Variants in MTARC2 observed in about 807,000 individuals in gnomAD.
The protein encoded by MTARC2 is mitochondrial amidoxime reducing component 2.
MTARC2 carries 27 observed loss-of-function variants against 35.6 expected under a neutral mutation model. The observed-to-expected ratio is 0.76, with a 90% CI of 0.56 to 1.04. The LOEUF (loss-of-function observed/expected upper bound fraction) is 1.04, where lower values mean the gene tolerates loss of function less well. Among genes scored for constraint, MTARC2 ranks in the 50% least tolerant of loss-of-function variants. The pLI is 0.00. For synonymous variants in MTARC2, 158 were observed against 167.1 expected, an observed-to-expected ratio of 0.95 and a Z score of 0.42; for missense variants, 412 against 432.5, an observed-to-expected ratio of 0.95 and a Z score of 0.42.
rs1671047175 is a variant in MTARC2 at position 220,748,666 on chromosome 1, C to G, written c.135C>G (p.Pro45=). The G allele has an allele frequency of 1.3e-6, 2 of 1,577,234 alleles. No homozygotes were observed. The highest frequency in any genetic ancestry group is 1.4e-5 in the African/African-American group (1 of 72,866). Residue 45 remains proline, a synonymous_variant, in exon 1 of 8, where the codon CCC becomes CCG. Transcript: ENST00000366913. The part of the protein sequence containing the change: ...LGTVAWRRAW[P]RRRRRLQQVG... ...CTGTCGCCTGGCGCCGCGCATGGCC[C>G]AGGCGGCGCCGGCGGCTGCAGCAGG...
At chr1:220,751,648 T>C (rs370972471) in intron 1 of MTARC2, among the ~76,000 whole-genome samples, 12 of 152,138 alleles carry the variant, frequency 7.9e-5, no homozygotes, top group South Asian at 6.2e-4. Flanking sequence ...AGAAATGATA[T>C]TTTTTTCTGT....
At chr1:220,767,845 T>C (rs1671623590) in intron 4 of MTARC2, among the ~76,000 whole-genome samples, 1 of 152,238 alleles carries the variant, frequency 6.6e-6, no homozygotes, top group African/African-American at 2.4e-5. Flanking sequence ...GCTTACTGGC[T>C]GTGTGGATTG....
intron 1 of MTARC2, among the ~76,000 whole-genome samples, chr1:220,752,883 A>G (rs1671163210): frequency 6.6e-6 from 1 of 151,716 alleles, no homozygotes; most frequent in African/African-American, 2.4e-5. Flanking sequence ...ATAAATATAT[A>G]TAAATGAATA....
chr1:220,761,842 C>A, intron 3 of MTARC2, 22 bp downstream of exon 3: 1 of 1,583,472 alleles, frequency 6.3e-7, no homozygotes, highest in South Asian at 1.2e-5. Flanking sequence ...GAGAGTTTAC[C>A]TTCACTGCTA....
At chr1:220,757,592 C>T (rs1273326597) in intron 2 of MTARC2, among the ~76,000 whole-genome samples, 2 of 152,022 alleles carry the variant, frequency 1.3e-5, no homozygotes, top group Admixed American at 1.3e-4. Context: ...TGGTGAGGTC[C>T]CTTTTCAGGG....
rs1392675608 is a variant in MTARC2 at position 220,748,815 on chromosome 1, C to T, written c.272+12C>T. On this transcript the variant is annotated intron_variant, in intron 1 of 7. Transcript: ENST00000366913. The stretch of plus-strand genomic sequence containing the variant: ...AACCTGCGGGACAGGTACAGCACAG[C>T]GCGGGCGCGGGGCAGCGCGGAGCCT... 6.4e-7 allele frequency: 1 copy of T among 1,567,816 alleles called. No individual in the cohort carries two copies. The highest frequency in any genetic ancestry group is 2.4e-5 in the East Asian group (1 of 41,312).
In MTARC2 at chr1:220,774,175, C is replaced by T. The variant is rs542356396; in HGVS notation, c.751-5843C>T. Among the ~76,000 whole-genome samples the T allele has an allele frequency of 4.7e-4, 72 of 152,064 alleles. 1 individual carries two copies. In the South Asian group the frequency reaches 0.014, roughly 30 times the overall value. On this transcript the variant is annotated intron_variant, in intron 4 of 7. Coordinates refer to ENST00000366913, the MANE Select transcript of MTARC2 (RefSeq NM_017898.5). ...CTGCCTCCCGGGCTGAAGCCATCCT[C>T]CTGCCTCAAGTCTCCTGAGTAGTTA...
chr1:220,768,515 A>G (rs984604067), intron 4 of MTARC2, among the ~76,000 whole-genome samples: 1 of 152,156 alleles, frequency 6.6e-6, no homozygotes, highest in Non-Finnish European at 1.5e-5. Flanking sequence ...GAGGACTTGC[A>G]CTGTGGCTGG....
intron 4 of MTARC2, among the ~76,000 whole-genome samples, chr1:220,773,651 T>C (rs974655991): frequency 8.5e-5 from 13 of 152,070 alleles, no homozygotes; most frequent in African/African-American, 2.7e-4. Flanking sequence ...CAGAATTGAG[T>C]TGAATTGTTG....
At chr1:220,761,910 C>A (rs1178300232) in intron 3 of MTARC2, 90 bp downstream of exon 3, 15 of 1,291,530 alleles carry the variant, frequency 1.2e-5, no homozygotes, top group Non-Finnish European at 1.6e-5. Context: ...TCTCTTGGGA[C>A]CTCAGTTAAG....
chr1:220,769,190 G>A (rs866185750), intron 4 of MTARC2, among the ~76,000 whole-genome samples: 1 of 152,212 alleles, frequency 6.6e-6, no homozygotes, highest in African/African-American at 2.4e-5. Flanking sequence ...GAAAGATGGC[G>A]CAGCCAAGGA....
chr1:220,767,634 T>A (rs189318574), intron 4 of MTARC2, among the ~76,000 whole-genome samples: 2 of 152,364 alleles, frequency 1.3e-5, no homozygotes, highest in Admixed American at 1.3e-4. Context: ...CTTTGCTCAC[T>A]GTCCTGATGA....
intron 1 of MTARC2, among the ~76,000 whole-genome samples, chr1:220,751,330 A>T (rs1357929584): frequency 6.6e-6 from 1 of 152,176 alleles, no homozygotes; most frequent in African/African-American, 2.4e-5. Flanking sequence ...GAATGCTGGC[A>T]TTCGGTGCCT....
chr1:220,765,520 G>T (rs139301922), intron 4 of MTARC2, among the ~76,000 whole-genome samples: 1 of 152,318 alleles, frequency 6.6e-6, no homozygotes, highest in Non-Finnish European at 1.5e-5. Context: ...TCATTGAAAG[G>T]CAGGGAAGCC....
chr1:220,779,948 G>A (rs1055074542), intron 4 of MTARC2, 70 bp from the exon 5 acceptor site: 3 of 1,201,732 alleles, frequency 2.5e-6, no homozygotes, highest in African/African-American at 3.2e-5. Flanking sequence ...CTTAATATGA[G>A]CCAAAGAATA....
At chr1:220,773,047 C>T (rs1255169672) in intron 4 of MTARC2, among the ~76,000 whole-genome samples, 2 of 152,068 alleles carry the variant, frequency 1.3e-5, no homozygotes, top group African/African-American at 2.4e-5. Context: ...TGACTTTATG[C>T]TAGTGAGATG....
In MTARC2 at chr1:220,761,852, A is replaced by G. The variant is rs150101553; in HGVS notation, c.609+32A>G. ...TTACAGAGAGTTTACCTTCACTGCT[A>G]CTAGTCACCCTTCTCTTTCTGGCTT... is the stretch of plus-strand genomic sequence containing the variant. On this transcript the variant is annotated intron_variant, in intron 3 of 7. Transcript: ENST00000366913. The G allele has an allele frequency of 6.1e-4, 949 of 1,565,006 alleles. 5 individuals are homozygous for G. In the African/African-American group the frequency reaches 0.012, roughly 19 times the overall value.
chr1:220,776,756 C>T (rs1020333957), intron 4 of MTARC2, among the ~76,000 whole-genome samples: 1 of 152,204 alleles, frequency 6.6e-6, no homozygotes, highest in Non-Finnish European at 1.5e-5. Context: ...GCAGAATTGC[C>T]ACCGTTATGT....
At chr1:220,754,888 G>C in intron 1 of MTARC2, 59 bp from the exon 2 acceptor site, 3 of 1,454,702 alleles carry the variant, frequency 2.1e-6, no homozygotes, top group Middle Eastern at 2.2e-4. Context: ...AAGCTGGAGG[G>C]AAGCTGTTGG....
Sources: gnomAD v4.1 joint callset for allele counts (sites outside exome capture counted in the v4.1 genomes callset) on GRCh38, gnomAD v4.1.1 for gene constraint, MANE v1.5 for transcripts, NCBI Gene and HGNC (gene_info 2026-07-23, HGNC 2026-07-21) for gene names.